Variants in USP31 observed in about 807,000 individuals in gnomAD.
USP31 encodes the protein ubiquitin carboxyl-terminal hydrolase 31.
Under a neutral mutation model 119.4 loss-of-function variants are expected in USP31, and 44 were observed. That is an observed-to-expected ratio of 0.37 (90% CI 0.29 to 0.47). USP31 has a LOEUF of 0.47. USP31 is among the 20% of genes least tolerant of loss of function. The probability of loss-of-function intolerance (pLI) is 0.99; values close to 1 mark genes in which losing one functional copy is unlikely to be tolerated. For missense variants in USP31, 1,643 were observed against 1,730.2 expected (o/e 0.95, Z 0.89); for synonymous variants, 749 against 705.6 (o/e 1.06, Z -0.97).
intron 6 of USP31, among the ~76,000 whole-genome samples, chr16:23,092,573 A>G (rs1901414715): frequency 6.6e-6 from 1 of 152,204 alleles, no homozygotes; most frequent in African/African-American, 2.4e-5. Context: ...AAAGGGAGTG[A>G]GGAAAGGCTC....
Position 23,108,580 on chromosome 16 carries a change from C to CA in USP31, c.634-398dup, listed in dbSNP as rs762283570. ...GTTAAATTATGATACAACTACATGA[C>CA]ATCCTTAAGAAATACTATATAAGTG... On this transcript the variant is annotated intron_variant, in intron 1 of 15. Transcript: ENST00000219689. Among the ~76,000 whole-genome samples, 22 of 152,246 alleles carry CA rather than the reference C, an allele frequency of 1.4e-4. No homozygotes were observed. In the East Asian group the frequency reaches 2.3e-3, roughly 16 times the overall value.
chr16:23,091,072 T>C (rs974312082), intron 6 of USP31, among the ~76,000 whole-genome samples: 4 of 152,152 alleles, frequency 2.6e-5, no homozygotes, highest in Non-Finnish European at 4.4e-5. Flanking sequence ...TTAGATACAG[T>C]TTTAGAAGGG....
chr16:23,098,746 T>C (rs934312049), intron 6 of USP31, among the ~76,000 whole-genome samples: 18 of 152,176 alleles, frequency 1.2e-4, no homozygotes, highest in African/African-American at 4.1e-4. Context: ...TAATAAATGG[T>C]GCTGGGAAAA....
At chr16:23,111,199 T>A (rs1177153081) in intron 1 of USP31, among the ~76,000 whole-genome samples, 1 of 151,778 alleles carries the variant, frequency 6.6e-6, no homozygotes, top group Non-Finnish European at 1.5e-5. Flanking sequence ...AACTGTACAA[T>A]GGGAGAGTAG....
At position 23,149,216 on chromosome 16, in the gene USP31, C is replaced by T; in HGVS notation, c.55G>A (p.Glu19Lys). 8.8e-7 allele frequency: 1 copy of T among 1,139,854 alleles called. No individual in the cohort carries two copies. Among genetic ancestry groups the T allele is most frequent in the Non-Finnish European group, 1.1e-6 (1 of 926,168 alleles). The allele number at this position is 1,139,854 out of a possible 1,614,324, so 70.6% of individuals were successfully genotyped here. Residue 19 changes from glutamate to lysine, a missense_variant, in exon 1 of 16, where the codon GAG becomes AAG. Glu to Lys is a moderately conservative substitution (Grantham distance 56). This residue lies in a region of USP31 where 302 missense variants were observed against 262.6 expected (regional missense o/e 1.15). Coordinates refer to ENST00000219689, the MANE Select transcript of USP31 (RefSeq NM_020718.4). ...SGPPAAASGK[E>K]KRSFSKRLFR... Reference sequence around the variant, plus strand: ...AGCCGCTTGCTGAAGGAGCGCTTCTCCTTCCCGCTCGCCGCCGCCGGCGGC... The same window carrying T: ...AGCCGCTTGCTGAAGGAGCGCTTCTTCTTCCCGCTCGCCGCCGCCGGCGGC...
At chr16:23,083,156 C>G (rs944418020) in intron 11 of USP31, among the ~76,000 whole-genome samples, 1 of 152,134 alleles carries the variant, frequency 6.6e-6, no homozygotes, top group Non-Finnish European at 1.5e-5. Context: ...GTGCCATGCA[C>G]TGCTCTGGAT....
Position 23,068,491 on chromosome 16 carries a change from C to A in USP31, c.3614G>T (p.Arg1205Leu), listed in dbSNP as rs114089942. The change falls in exon 16 of 16, where the codon CGC (arginine) becomes CTC (leucine). Residue 1205 changes from arginine to leucine, a missense_variant. Coordinates refer to ENST00000219689, the MANE Select transcript of USP31 (RefSeq NM_020718.4). ...AGACTTGATGCTTGTGCTGGGGGAG[C>A]GCAGGCTGGCCATGGAGGAGCTCCG... is the stretch of plus-strand genomic sequence containing the variant. Reference protein sequence around the residue: ...HVRSSSMASLRSPSTSIKSGL... With the variant: ...HVRSSSMASLLSPSTSIKSGL... 1 of 1,613,392 alleles carries A rather than the reference C, an allele frequency of 6.2e-7. No homozygotes were observed.
At chr16:23,094,011 C>A (rs906386977) in intron 6 of USP31, among the ~76,000 whole-genome samples, 3 of 152,144 alleles carry the variant, frequency 2.0e-5, no homozygotes, top group African/African-American at 7.2e-5. Flanking sequence ...GTGGGTACTG[C>A]CCACGGAGGG....
At chr16:23,087,667 T>A (rs1901168335) in intron 8 of USP31, 57 bp downstream of exon 8, 1 of 1,442,946 alleles carries the variant, frequency 6.9e-7, no homozygotes, top group East Asian at 2.3e-5. Context: ...TTGTAATGTT[T>A]GTTTCTTCAC....
chr16:23,072,205 G>A lies in USP31; in HGVS notation c.2336-8C>T, dbSNP rs1900376077. 3 of 1,603,294 alleles carry A rather than the reference G, an allele frequency of 1.9e-6. No homozygotes were observed. The highest frequency in any genetic ancestry group is 4.5e-5 in the East Asian group (2 of 44,862). On this transcript the variant is annotated splice_region_variant and splice_polypyrimidine_tract_variant and intron_variant, in intron 14 of 15. Transcript: ENST00000219689. ...GGGAAGAACTTGTGGAGCCTGCAGA[G>A]AAGAAAACAGGCATAGAGGTCAGGC... is the stretch of plus-strand genomic sequence containing the variant.
intron 13 of USP31, among the ~76,000 whole-genome samples, chr16:23,077,302 T>A (rs1166428621): frequency 6.6e-6 from 1 of 152,164 alleles, no homozygotes; most frequent in African/African-American, 2.4e-5. Flanking sequence ...TTAAAGAACT[T>A]CAGGCAGTAA....
Position 23,149,004 on chromosome 16 carries a change from G to A in USP31, c.267C>T (p.Gly89=), listed in dbSNP as rs1903625782. The A allele has an allele frequency of 1.8e-6, 2 of 1,099,158 alleles. No individual in the cohort carries two copies. The allele number at this position is 1,099,158 out of a possible 1,614,324, so 68.1% of individuals were successfully genotyped here. A position where few individuals can be genotyped will look rare whatever the true frequency, so the allele number is the denominator to read the frequency against. The change falls in exon 1 of 16, where the codon GGC becomes GGT. Residue 89 remains glycine, a synonymous_variant. Transcript: ENST00000219689. ...GCCCGGGCGGGAAGCAGCTGCGGAG[G>A]CCGCCGCGGTCTGGGGCGGCGCCCT... ...SSEGAAPDRG[G]LRSCFPPGPA...
At chr16:23,146,083 T>C (rs972899007) in intron 1 of USP31, among the ~76,000 whole-genome samples, 15 of 151,934 alleles carry the variant, frequency 9.9e-5, no homozygotes, top group Admixed American at 5.2e-4. Flanking sequence ...TAAAAAGCAA[T>C]GGAAATGTTC....
chr16:23,149,169 G>T lies in USP31; in HGVS notation c.102C>A (p.Gly34=). ...CCCCGGGGCCCCCCGCGCCGCCGCC[G>T]CCAGCGCGGCCGCTCCGAAACAGCC... ...SKRLFRSGRA[G]GGGAGGPGAS... The change falls in exon 1 of 16, where the codon GGC becomes GGA. Residue 34 remains glycine, a synonymous_variant. Coordinates refer to ENST00000219689, the MANE Select transcript of USP31 (RefSeq NM_020718.4). 11 of 1,165,804 alleles carry T rather than the reference G, an allele frequency of 9.4e-6. No individual in the cohort carries two copies. Among genetic ancestry groups the T allele is most frequent in the Non-Finnish European group, 1.2e-5 (11 of 942,160 alleles). The allele number at this position is 1,165,804 out of a possible 1,614,324, so 72.2% of individuals were successfully genotyped here.
chr16:23,108,011 C>T, intron 2 of USP31, 35 bp downstream of exon 2: 2 of 1,581,170 alleles, frequency 1.3e-6, no homozygotes, highest in Non-Finnish European at 1.7e-6. Flanking sequence ...ACTCTCATGG[C>T]TGGCTGACTG....
At chr16:23,131,175 G>A (rs1335226948) in intron 1 of USP31, among the ~76,000 whole-genome samples, 7 of 152,140 alleles carry the variant, frequency 4.6e-5, no homozygotes, top group Non-Finnish European at 8.8e-5. Flanking sequence ...ATGGTAGTGT[G>A]CACCTGCAGT....
At chr16:23,135,804 C>T (rs962940905) in intron 1 of USP31, among the ~76,000 whole-genome samples, 1 of 152,152 alleles carries the variant, frequency 6.6e-6, no homozygotes, top group Admixed American at 6.5e-5. Flanking sequence ...ATCCTAACAG[C>T]ATCTTTTGGA....
At chr16:23,081,671 C>T (rs1301097306) in intron 12 of USP31, among the ~76,000 whole-genome samples, 1 of 152,220 alleles carries the variant, frequency 6.6e-6, no homozygotes, top group Non-Finnish European at 1.5e-5. Context: ...TCCTACTCCG[C>T]CCCCAAAGGG....
intron 5 of USP31, among the ~76,000 whole-genome samples, chr16:23,104,657 A>C (rs2141871631): frequency 6.6e-6 from 1 of 152,374 alleles, no homozygotes. Flanking sequence ...CATGAGGCCA[A>C]AGTACAAAAC....
Sources: gnomAD v4.1 joint callset for allele counts (sites outside exome capture counted in the v4.1 genomes callset) on GRCh38, gnomAD v4.1.1 for gene constraint, gnomAD v4.1.1 regional missense constraint, MANE v1.5 for transcripts, NCBI Gene and HGNC (gene_info 2026-07-23, HGNC 2026-07-21) for gene names.